The following NDRG2 variants were observed in gnomAD, a reference collection of about 807,000 sequenced individuals.
NDRG2 encodes the protein protein NDRG2.
Under a neutral mutation model 58.2 loss-of-function variants are expected in NDRG2, and 34 were observed. The observed-to-expected ratio is 0.58, with a 90% CI of 0.44 to 0.78. The LOEUF is 0.78. Ranked by LOEUF, NDRG2 falls within the 30% of genes least tolerant of loss-of-function variation. NDRG2 has a pLI of 0.00. For synonymous variants in NDRG2, 187 were observed against 175.9 expected, an observed-to-expected ratio of 1.06 and a Z score of -0.50; for missense variants, 434 against 471.2, an observed-to-expected ratio of 0.92 and a Z score of 0.73.
Position 21,019,748 on chromosome 14 carries a change from G to T in NDRG2, c.613-6C>A, listed in dbSNP as rs1879026903. ...GAATTTCCAGAGAGCTCTTCCTGAA[G>T]GAGAGAACAAGGAGAAAAATTAGGG... On this transcript the variant is annotated splice_region_variant and splice_polypyrimidine_tract_variant and intron_variant, in intron 9 of 15. Coordinates refer to ENST00000556147, the MANE Select transcript of NDRG2 (RefSeq NM_001320329.2). 4 of 1,602,104 alleles carry T rather than the reference G, an allele frequency of 2.5e-6. No individual in the cohort carries two copies. In the African/African-American group the frequency reaches 5.4e-5, roughly 21 times the overall value.
rs530295557 is a variant in NDRG2, at chr14:21,061,766, G to C, written c.24+9062C>G. ...TGTTTGTATTAAGGAATTTGTATTAGGCTTGTCATTCTAATTTAAAATGCA... is the reference window on the plus strand; with the variant it reads ...TGTTTGTATTAAGGAATTTGTATTACGCTTGTCATTCTAATTTAAAATGCA... On this transcript the variant is annotated intron_variant, in intron 1 of 14. Coordinates refer to the NDRG2 transcript ENST00000403829. Among the ~76,000 whole-genome samples, 3 of 152,306 alleles carry C rather than the reference G, an allele frequency of 2.0e-5. No homozygotes were observed. In the South Asian group the frequency reaches 6.2e-4, roughly 32 times the overall value.
intron 1 of NDRG2, among the ~76,000 whole-genome samples, chr14:21,059,475 GT>G (rs1308459247): frequency 1.1e-4 from 10 of 90,724 alleles, no homozygotes; most frequent in Admixed American, 9.7e-4. Context: ...AAGTTACTGG[GT>G]TTTTTTGGGT....
intron 1 of NDRG2, chr14:21,034,053 C>T (rs1884441324): frequency 6.2e-7 from 1 of 1,614,098 alleles, no homozygotes; most frequent in East Asian, 2.2e-5. Context: ...GATGGCCTTC[C>T]AAGGGGCATG....
intron 8 of NDRG2, 29 bp downstream of exon 8, chr14:21,020,467 T>C: frequency 6.3e-7 from 1 of 1,587,034 alleles, no homozygotes; most frequent in Non-Finnish European, 8.6e-7. Flanking sequence ...TCCCCAACCG[T>C]AGGTCTCAGC....
Position 21,020,565 on chromosome 14 carries a change from AGTGTCCGG to A in NDRG2, c.478_485del (p.Pro160CysfsTer2). On this transcript the variant is annotated frameshift_variant, in exon 8 of 16. Transcript: ENST00000556147. LOFTEE classifies it high-confidence loss of function. Reference sequence around the variant, plus strand: ...TGTTGATGAGGACAAGACCTTCAACAGTGTCCGGGTGGTTAAGCTGAGGGACAGCAGAA... The same window carrying A: ...TGTTGATGAGGACAAGACCTTCAACAGTGGTTAAGCTGAGGGACAGCAGAA... 6.2e-7 allele frequency: 1 copy of A among 1,613,842 alleles called. No individual in the cohort carries two copies. The highest frequency in any genetic ancestry group is 8.5e-7 in the Non-Finnish European group (1 of 1,179,970).
chr14:21,066,468 T>G (rs1357835908), intron 1 of NDRG2, among the ~76,000 whole-genome samples: 1 of 152,088 alleles, frequency 6.6e-6, no homozygotes, highest in Non-Finnish European at 1.5e-5. Flanking sequence ...TACAGGCATG[T>G]GCCACCACGC....
chr14:21,057,161 G>A (rs575645229), intron 1 of NDRG2, among the ~76,000 whole-genome samples: 28 of 152,252 alleles, frequency 1.8e-4, no homozygotes, highest in South Asian at 1.5e-3. Flanking sequence ...TTAACCGGGC[G>A]CGGTGGCTCA....
upstream of NDRG2, among the ~76,000 whole-genome samples, chr14:21,027,481 C>A (rs1883771265): frequency 6.6e-6 from 1 of 152,176 alleles, no homozygotes; most frequent in Non-Finnish European, 1.5e-5. Context: ...TATATAAGAT[C>A]AATCATTTGG....
chr14:21,051,756 C>T lies in NDRG2; in HGVS notation c.24+19072G>A, dbSNP rs28665127. Among the ~76,000 whole-genome samples the T allele has an allele frequency of 3.9e-5, 6 of 152,104 alleles. No individual in the cohort carries two copies. In the East Asian group the frequency reaches 1.2e-3, roughly 29 times the overall value. ...GAGCTCTGCTTCTCAGAGCCATAAACCAGGGCCCAGACCACAGGTCTGTCA... is the reference window on the plus strand; with the variant it reads ...GAGCTCTGCTTCTCAGAGCCATAAATCAGGGCCCAGACCACAGGTCTGTCA... On this transcript the variant is annotated intron_variant, in intron 1 of 14. Transcript: ENST00000403829.
intron 1 of NDRG2, chr14:21,057,774 T>C (rs1307886298): frequency 4.9e-6 from 4 of 822,298 alleles, no homozygotes; most frequent in Non-Finnish European, 5.7e-6. Flanking sequence ...AGGCTGCACA[T>C]TGCCCTGCAA....
At chr14:21,018,327 C>G in intron 13 of NDRG2, 88 bp from the exon 14 acceptor site, 1 of 1,604,576 alleles carries the variant, frequency 6.2e-7, no homozygotes, top group Non-Finnish European at 8.5e-7. Context: ...TCCCTAGCTT[C>G]TTCACTCTAG....
intron 1 of NDRG2, chr14:21,032,038 T>A: frequency 1.9e-6 from 3 of 1,614,004 alleles, no homozygotes; most frequent in Non-Finnish European, 2.5e-6. Context: ...ATGTGAGTGG[T>A]TACAAGGGTT....
intron 1 of NDRG2, among the ~76,000 whole-genome samples, chr14:21,041,473 C>T (rs1884892145): frequency 6.6e-6 from 1 of 152,022 alleles, no homozygotes. Context: ...GCCTTCTCAC[C>T]CACAGAGGGT....
Position 21,070,279 on chromosome 14 carries a change from C to A in NDRG2, c.24+549G>T. On this transcript the variant is annotated intron_variant, in intron 1 of 14. Transcript: ENST00000403829. The surrounding 1 kb of genome is among the most constrained non-coding windows in gnomAD (Gnocchi z 4.7). ...GAAGCCGGAGCGGGCCGAGCCGCCA[C>A]CGCGGCCGGAGCTGTCCCTTAGCCA... 1 of 1,113,310 alleles carries A rather than the reference C, an allele frequency of 9.0e-7. No homozygotes were observed. Among genetic ancestry groups the A allele is most frequent in the Non-Finnish European group, 1.1e-6 (1 of 888,126 alleles). The allele number at this position is 1,113,310 out of a possible 1,614,324, so 69.0% of individuals were successfully genotyped here.
chr14:21,020,542 T>A lies in NDRG2; in HGVS notation c.509A>T (p.Asn170Ile). 1 of 1,613,820 alleles carries A rather than the reference T, an allele frequency of 6.2e-7. No homozygotes were observed. The highest frequency in any genetic ancestry group is 8.5e-7 in the Non-Finnish European group (1 of 1,179,948). Residue 170 changes from asparagine (N) to isoleucine (I), a missense_variant, in exon 8 of 16, where the codon AAC becomes ATC. Coordinates refer to ENST00000556147, the MANE Select transcript of NDRG2 (RefSeq NM_001320329.2). ...PDTVEGLVLI[N>I]IDPNAKGWMD... The stretch of plus-strand genomic sequence containing the variant: ...CCAACCCTTGGCATTGGGATCAATG[T>A]TGATGAGGACAAGACCTTCAACAGT...
At chr14:21,025,557 C>G (rs965557226), upstream of NDRG2, 5 of 985,308 alleles carry the variant, frequency 5.1e-6, no homozygotes, top group African/African-American at 8.7e-5. This position sits in a 1 kb window ranked among gnomAD's most constrained non-coding sequence, Gnocchi z 5.1. Flanking sequence ...GCGGGACCGC[C>G]GCTGAGGAGG....
chr14:21,021,449 A>C, intron 6 of NDRG2: 1 of 317,712 alleles, frequency 3.1e-6, no homozygotes, highest in South Asian at 3.2e-5. Context: ...CCCATCCACC[A>C]GGTGTGGGCA....
At chr14:21,041,340 C>G (rs1008684782) in intron 1 of NDRG2, among the ~76,000 whole-genome samples, 1 of 152,174 alleles carries the variant, frequency 6.6e-6, no homozygotes, top group African/African-American at 2.4e-5. Flanking sequence ...TATCTTGACA[C>G]TTAGTAGATG....
At chr14:21,018,291 T>C (rs565222776) in intron 13 of NDRG2, 52 bp from the exon 14 acceptor site, 1 of 1,612,082 alleles carries the variant, frequency 6.2e-7, no homozygotes, top group Non-Finnish European at 8.5e-7. Flanking sequence ...AAATGAGCCA[T>C]GCAGAGAGGT....
Sources: allele counts gnomAD v4.1 joint callset (sites outside exome capture counted in the v4.1 genomes callset), GRCh38; gene constraint gnomAD v4.1.1; non-coding constraint Gnocchi (gnomAD v3.1); transcripts MANE v1.5; gene names NCBI Gene and HGNC (gene_info 2026-07-23, HGNC 2026-07-21).